Variants in PCTP observed in about 807,000 individuals in gnomAD.
PCTP encodes the protein START domain-containing protein 2.
Under a neutral mutation model 31.0 loss-of-function variants are expected in PCTP, and 27 were observed. That is an observed-to-expected ratio of 0.87 (90% CI 0.64 to 1.20). The LOEUF (loss-of-function observed/expected upper bound fraction) is 1.20, where lower values mean the gene tolerates loss of function less well. Among genes scored for constraint, PCTP ranks in the 50% most tolerant of loss-of-function variants. The probability of loss-of-function intolerance (pLI) is 0.00; values close to 1 mark genes in which losing one functional copy is unlikely to be tolerated. For missense variants in PCTP, 287 were observed against 268.2 expected (o/e 1.07, Z -0.49); for synonymous variants, 108 against 101.2 (o/e 1.07, Z -0.40).
chr17:55,849,072 T>A, the PCTP span, among the ~76,000 whole-genome samples: 1 of 151,824 alleles, frequency 6.6e-6, no homozygotes, highest in Non-Finnish European at 1.5e-5. Flanking sequence ...GAAACACAGA[T>A]GAACTAGATA....
intron 1 of PCTP, among the ~76,000 whole-genome samples, chr17:55,760,072 G>A (rs544563596): frequency 1.8e-4 from 28 of 152,230 alleles, no homozygotes; most frequent in African/African-American, 5.5e-4. Context: ...TAGCCAGCAC[G>A]ATAGCATCTC....
chr17:55,787,816 A>G (rs1386963558), intron 3 of PCTP, among the ~76,000 whole-genome samples: 1 of 152,120 alleles, frequency 6.6e-6, no homozygotes, highest in Admixed American at 6.5e-5. Flanking sequence ...CTCAGTCTAA[A>G]CATCCTCAGT....
chr17:55,797,860 A>T lies in PCTP; in HGVS notation c.317+10206A>T, dbSNP rs182952743. ...ATAAAAATTTACCAGGCATGCAAGG[A>T]TATGAGGTCTAGTTATTAAAAAGCA... On this transcript the variant is annotated intron_variant, in intron 3 of 3. Coordinates refer to the PCTP transcript ENST00000572536. Among the ~76,000 whole-genome samples the T allele has an allele frequency of 2.6e-3, 403 of 152,158 alleles. 1 individual carries two copies. Among genetic ancestry groups the T allele is most frequent in the African/African-American group, 9.0e-3 (375 of 41,566 alleles).
At chr17:55,830,713 C>T (rs1201117048) in intron 5 of PCTP, among the ~76,000 whole-genome samples, 1 of 152,120 alleles carries the variant, frequency 6.6e-6, no homozygotes, top group Non-Finnish European at 1.5e-5. Context: ...CAGTGCAAAA[C>T]AAACACATTT....
chr17:55,841,337 G>A (rs917524089), intron 5 of PCTP, among the ~76,000 whole-genome samples: 1 of 152,216 alleles, frequency 6.6e-6, no homozygotes, highest in Admixed American at 6.5e-5. Flanking sequence ...TGTGGTTGTG[G>A]AACTTCCACA....
At chr17:55,837,458 G>A (rs1027257498) in intron 5 of PCTP, among the ~76,000 whole-genome samples, 1 of 152,082 alleles carries the variant, frequency 6.6e-6, no homozygotes, top group African/African-American at 2.4e-5. Flanking sequence ...CCTCTTAGAC[G>A]ATTTGGATGC....
rs572776258 is a variant in PCTP, at chr17:55,776,315, C to A, written c.*215C>A. On this transcript the variant is annotated 3_prime_UTR_variant, in exon 6 of 6. Coordinates refer to ENST00000268896, the MANE Select transcript of PCTP (RefSeq NM_021213.4). ...TTTGCCTGACATCCAGCTCACTCGT[C>A]TGCTTCCTTTCTCGCTCCCCCCATC... The A allele has an allele frequency of 1.3e-4, 179 of 1,364,208 alleles. 1 individual carries two copies. In the East Asian group the frequency reaches 4.8e-3, roughly 37 times the overall value. The allele number at this position is 1,364,208 out of a possible 1,614,324, so 84.5% of individuals were successfully genotyped here.
In PCTP at chr17:55,809,070, G is replaced by T. The variant is rs534131981; in HGVS notation, c.318-13691G>T. 1.4e-4 allele frequency among the ~76,000 whole-genome samples: 22 copies of T among 152,128 alleles called. 1 individual carries two copies. The highest frequency in any genetic ancestry group is 2.6e-4 in the Admixed American group (4 of 15,268). ...TCTTCTCCAACCTTGGGGTAAAAAA[G>T]ACATTTTTGGCCAAAGACTATGAAG... On this transcript the variant is annotated intron_variant, in intron 3 of 3. Transcript: ENST00000572536.
At chr17:55,765,340 A>G (rs1047925668) in intron 1 of PCTP, among the ~76,000 whole-genome samples, 15 of 152,188 alleles carry the variant, frequency 9.9e-5, no homozygotes, top group Non-Finnish European at 1.8e-4. Flanking sequence ...GAGAACTCTT[A>G]ATTACCCCAA....
downstream of PCTP, among the ~76,000 whole-genome samples, chr17:55,827,995 G>T (rs933169045): frequency 2.0e-5 from 3 of 152,088 alleles, no homozygotes; most frequent in African/African-American, 7.2e-5. Flanking sequence ...TGCGTTCAAG[G>T]GTGTATATTA....
intron 3 of PCTP, among the ~76,000 whole-genome samples, chr17:55,809,820 CAG>C (rs941033811): frequency 6.6e-6 from 1 of 152,130 alleles, no homozygotes; most frequent in East Asian, 1.9e-4. Context: ...CACATCTGGC[CAG>C]AGTGTTCTTA....
rs1032151205 is a variant in PCTP, at chr17:55,775,950, A to G, written c.580-85A>G. 8.9e-6 allele frequency: 14 copies of G among 1,564,728 alleles called. No individual in the cohort carries two copies. In the African/African-American group the frequency reaches 1.9e-4, roughly 21 times the overall value. On this transcript the variant is annotated intron_variant, in intron 5 of 5. Transcript: ENST00000268896. ...TTCATTTTTGTTCGTCCTAAAGCCA[A>G]CATTGTTTACCTTCTGCCACATCCC...
chr17:55,757,763 TG>T (rs1393536979), intron 1 of PCTP, among the ~76,000 whole-genome samples: 1 of 152,150 alleles, frequency 6.6e-6, no homozygotes, highest in Non-Finnish European at 1.5e-5. Flanking sequence ...CACTGGTGGA[TG>T]GGGAGCATCT....
intron 2 of PCTP, chr17:55,768,858 T>G (rs1396126749): frequency 6.6e-6 from 1 of 152,166 alleles, no homozygotes; most frequent in East Asian, 1.9e-4. Context: ...AACCCAGTCA[T>G]AGTGGAATGG....
At chr17:55,804,576 A>G (rs1252833181) in intron 3 of PCTP, among the ~76,000 whole-genome samples, 1 of 152,178 alleles carries the variant, frequency 6.6e-6, no homozygotes, top group East Asian at 1.9e-4. Context: ...AAATGGATGA[A>G]GCTGGAAACC....
chr17:55,842,300 C>T (rs950461398), intron 5 of PCTP, among the ~76,000 whole-genome samples: 8 of 152,080 alleles, frequency 5.3e-5, no homozygotes, highest in Non-Finnish European at 8.8e-5. Context: ...TAAGTAGAGG[C>T]GTATATTATC....
At chr17:55,760,159 A>G (rs1054769327) in intron 1 of PCTP, among the ~76,000 whole-genome samples, 13 of 152,294 alleles carry the variant, frequency 8.5e-5, no homozygotes, top group African/African-American at 3.1e-4. Flanking sequence ...TCACTTATAA[A>G]GTGGAGTTAA....
intron 3 of PCTP, among the ~76,000 whole-genome samples, chr17:55,803,798 G>A (rs1193964984): frequency 6.6e-6 from 1 of 151,840 alleles, no homozygotes; most frequent in Non-Finnish European, 1.5e-5. Flanking sequence ...ACATAGGCAT[G>A]GGCAAAGGCT....
chr17:55,783,109 T>A (rs1354422188), intron 2 of PCTP, among the ~76,000 whole-genome samples: 3 of 152,228 alleles, frequency 2.0e-5, no homozygotes, highest in African/African-American at 7.2e-5. Flanking sequence ...TTCCACCTAA[T>A]TTTTACCAAA....
Sources: allele counts gnomAD v4.1 joint callset (sites outside exome capture counted in the v4.1 genomes callset), GRCh38; gene constraint gnomAD v4.1.1; transcripts MANE v1.5; gene names NCBI Gene and HGNC (gene_info 2026-07-23, HGNC 2026-07-21).